The following CEP15 variants were observed in gnomAD, a reference collection of about 807,000 sequenced individuals.
CEP15 encodes centrosomal protein 15.
At chr3:62,329,538 T>A in the CEP15 span, among the ~76,000 whole-genome samples, 1 of 152,208 alleles carries the variant, frequency 6.6e-6, no homozygotes, top group African/African-American at 2.4e-5. Flanking sequence ...GCATGTCATC[T>A]AAGAAAGCAA....
At chr3:62,319,647 T>C in the CEP15 span, 1 of 152,342 alleles carries the variant, frequency 6.6e-6, no homozygotes, top group Non-Finnish European at 1.5e-5. Flanking sequence ...ATAGAGTGCA[T>C]AGATGTTTAA....
chr3:62,319,411 T>C, the CEP15 span: 1 of 152,094 alleles, frequency 6.6e-6, no homozygotes, highest in Admixed American at 6.5e-5. Flanking sequence ...CTGCGGGTGA[T>C]GTTAGCGGAA....
chr3:62,322,878 T>C, the CEP15 span, among the ~76,000 whole-genome samples: 4 of 152,216 alleles, frequency 2.6e-5, no homozygotes, highest in Non-Finnish European at 1.5e-5. This position sits in a 1 kb window ranked among gnomAD's most constrained non-coding sequence, Gnocchi z 5.5. Context: ...TTCAGTTATC[T>C]TCTCAGCTTC....
chr3:62,326,169 G>C, the CEP15 span, among the ~76,000 whole-genome samples: 1 of 152,120 alleles, frequency 6.6e-6, no homozygotes, highest in African/African-American at 2.4e-5. Flanking sequence ...GAATGCCCTG[G>C]AAGCCTTTAT....
the CEP15 span, chr3:62,333,833 A>G: frequency 6.5e-6 from 1 of 152,740 alleles, no homozygotes; most frequent in Admixed American, 6.5e-5. This position sits in a 1 kb window ranked among gnomAD's most constrained non-coding sequence, Gnocchi z 4.0. Flanking sequence ...TTAACAAATT[A>G]AAAGACAATG....
At chr3:62,321,422 GA>G in the CEP15 span, among the ~76,000 whole-genome samples, 1 of 152,006 alleles carries the variant, frequency 6.6e-6, no homozygotes, top group African/African-American at 2.4e-5. This position sits in a 1 kb window ranked among gnomAD's most constrained non-coding sequence, Gnocchi z 4.1. Context: ...GAAAAAGAGG[GA>G]AAAAATATTT....
chr3:62,321,889 T>C, the CEP15 span: 3 of 1,482,796 alleles, frequency 2.0e-6, no homozygotes, highest in Non-Finnish European at 2.7e-6. This position sits in a 1 kb window ranked among gnomAD's most constrained non-coding sequence, Gnocchi z 4.1. Context: ...AATGTTTGCT[T>C]TTACTTTTTT....
chr3:62,330,854 GC>G, the CEP15 span, among the ~76,000 whole-genome samples: 1 of 152,098 alleles, frequency 6.6e-6, no homozygotes. Context: ...TGAAATGTGT[GC>G]CATTGATACA....
At chr3:62,326,403 TA>T in the CEP15 span, among the ~76,000 whole-genome samples, 1 of 152,224 alleles carries the variant, frequency 6.6e-6, no homozygotes, top group African/African-American at 2.4e-5. Context: ...ATTAAAAGAT[TA>T]AAACCAGCCT....
the CEP15 span, among the ~76,000 whole-genome samples, chr3:62,330,047 T>G: frequency 1.3e-5 from 2 of 152,196 alleles, no homozygotes; most frequent in African/African-American, 4.8e-5. Context: ...CTTTTTCCCC[T>G]AAATTCATGG....
At chr3:62,333,241 A>C in the CEP15 span, 3 of 1,592,680 alleles carry the variant, frequency 1.9e-6, no homozygotes, top group Non-Finnish European at 2.6e-6. This position sits in a 1 kb window ranked among gnomAD's most constrained non-coding sequence, Gnocchi z 4.0. Flanking sequence ...TTACTTTTGG[A>C]TTTTTTTTTC....
chr3:62,324,836 G>C, the CEP15 span, among the ~76,000 whole-genome samples: 2 of 152,060 alleles, frequency 1.3e-5, no homozygotes, highest in African/African-American at 4.8e-5. Context: ...TCCATTATTT[G>C]ACCTTATTTA....
the CEP15 span, among the ~76,000 whole-genome samples, chr3:62,333,050 A>G: frequency 6.6e-6 from 1 of 152,284 alleles, no homozygotes; most frequent in Middle Eastern, 3.4e-3. The surrounding 1 kb of genome is among the most constrained non-coding windows in gnomAD (Gnocchi z 4.0). Context: ...GAGAAATTTG[A>G]AAATTAACAC....
At chr3:62,328,627 C>T in the CEP15 span, among the ~76,000 whole-genome samples, 4 of 152,272 alleles carry the variant, frequency 2.6e-5, no homozygotes, top group South Asian at 2.1e-4. Flanking sequence ...CCTCCCTTTT[C>T]GCCCCCCTTT....
chr3:62,322,844 C>G, the CEP15 span, among the ~76,000 whole-genome samples: 3 of 152,126 alleles, frequency 2.0e-5, no homozygotes, highest in Non-Finnish European at 4.4e-5. This position sits in a 1 kb window ranked among gnomAD's most constrained non-coding sequence, Gnocchi z 5.5. Context: ...TCTGTCCTCA[C>G]TAGAGGATAA....
At chr3:62,329,962 T>C in the CEP15 span, among the ~76,000 whole-genome samples, 1 of 152,180 alleles carries the variant, frequency 6.6e-6, no homozygotes, top group Non-Finnish European at 1.5e-5. Context: ...TCTGTCGTAG[T>C]GTCAGCATCA....
chr3:62,325,536 T>TTTCAAAA, the CEP15 span, among the ~76,000 whole-genome samples: 1 of 152,188 alleles, frequency 6.6e-6, no homozygotes, highest in Non-Finnish European at 1.5e-5. Context: ...TAAAAGATAG[T>TTTCAAAA]GAACTTTGAA....
At chr3:62,330,130 T>C in the CEP15 span, among the ~76,000 whole-genome samples, 1 of 152,174 alleles carries the variant, frequency 6.6e-6, no homozygotes, top group Admixed American at 6.5e-5. Context: ...GGAGTCCCTT[T>C]AGGGAATTTC....
At chr3:62,322,293 A>G in the CEP15 span, 2 of 394,072 alleles carry the variant, frequency 5.1e-6, no homozygotes, top group African/African-American at 2.1e-5. This position sits in a 1 kb window ranked among gnomAD's most constrained non-coding sequence, Gnocchi z 5.5. Context: ...TAGAAAATCA[A>G]TGACTACAGA....
Sources: gnomAD v4.1 joint callset for allele counts (sites outside exome capture counted in the v4.1 genomes callset) on GRCh38, gnomAD v4.1.1 for gene constraint, Gnocchi (gnomAD v3.1) non-coding constraint, MANE v1.5 for transcripts, NCBI Gene and HGNC (gene_info 2026-07-23, HGNC 2026-07-21) for gene names.